The following CPXM2 variants were observed in gnomAD, a reference collection of about 807,000 sequenced individuals.
CPXM2 encodes inactive carboxypeptidase-like protein X2.
In CPXM2, 66 loss-of-function variants were observed where a neutral mutation model predicts 86.1. The observed-to-expected ratio is 0.77, with a 90% confidence interval of 0.63 to 0.94. The LOEUF is 0.94. Among genes scored for constraint, CPXM2 ranks in the 40% least tolerant of loss-of-function variants. The probability of loss-of-function intolerance (pLI) is 0.00; values close to 1 mark genes in which losing one functional copy is unlikely to be tolerated. For missense variants in CPXM2, 948 were observed against 1,026.3 expected (o/e 0.92, Z 1.04); for synonymous variants, 388 against 400.2 (o/e 0.97, Z 0.36).
At chr10:123,838,964 C>T (rs918278290) in intron 4 of CPXM2, among the ~76,000 whole-genome samples, 6 of 152,204 alleles carry the variant, frequency 3.9e-5, no homozygotes, top group Non-Finnish European at 8.8e-5. Context: ...AATCCTCAGA[C>T]TCATGCAAAG....
intron 4 of CPXM2, among the ~76,000 whole-genome samples, chr10:123,803,303 G>T (rs1374695251): frequency 6.6e-6 from 1 of 151,298 alleles, no homozygotes; most frequent in Non-Finnish European, 1.5e-5. Context: ...GTAGAGATGG[G>T]GTTTTGCCAT....
At chr10:123,820,183 T>A (rs138589324) in intron 4 of CPXM2, among the ~76,000 whole-genome samples, 1 of 152,188 alleles carries the variant, frequency 6.6e-6, no homozygotes, top group Non-Finnish European at 1.5e-5. Context: ...AATAAAGCCC[T>A]TTTTTTATAT....
chr10:123,896,549 T>C (rs1238763642), upstream of CPXM2, among the ~76,000 whole-genome samples: 1 of 152,248 alleles, frequency 6.6e-6, no homozygotes, highest in Admixed American at 6.5e-5. Flanking sequence ...CCCTGTACAT[T>C]TGGCATCTTT....
intron 2 of CPXM2, among the ~76,000 whole-genome samples, chr10:123,929,458 C>A (rs542993422): frequency 1.3e-5 from 2 of 152,324 alleles, no homozygotes; most frequent in African/African-American, 4.8e-5. Context: ...TGCAGAACAG[C>A]AACTGAATCT....
intron 7 of CPXM2, chr10:123,777,289 C>A (rs771514618): frequency 6.6e-5 from 10 of 152,268 alleles, no homozygotes; most frequent in Non-Finnish European, 1.5e-4. Context: ...GGGCCATCAG[C>A]CAGTACTTCC....
intron 2 of CPXM2, among the ~76,000 whole-genome samples, chr10:123,904,597 G>A (rs928630960): frequency 2.6e-5 from 4 of 152,272 alleles, no homozygotes; most frequent in South Asian, 2.1e-4. Context: ...AGCTATGACC[G>A]TGTCTAGCAC....
At chr10:123,836,892 G>T (rs1357919965) in intron 4 of CPXM2, among the ~76,000 whole-genome samples, 1 of 95,498 alleles carries the variant, frequency 1.0e-5, no homozygotes, top group South Asian at 3.5e-4. Flanking sequence ...TTCCCCCCAG[G>T]TGAGGTCTCA....
intron 2 of CPXM2, among the ~76,000 whole-genome samples, chr10:123,934,385 G>C (rs1291767580): frequency 6.6e-6 from 1 of 151,830 alleles, no homozygotes; most frequent in Non-Finnish European, 1.5e-5. Flanking sequence ...GGTATCCCTT[G>C]CCTTTCCTTG....
At chr10:123,917,893 G>T (rs1352568035) in intron 2 of CPXM2, among the ~76,000 whole-genome samples, 1 of 152,224 alleles carries the variant, frequency 6.6e-6, no homozygotes, top group African/African-American at 2.4e-5. Flanking sequence ...TGTCCTGGCT[G>T]CTGGGGATAC....
At chr10:123,748,486 C>T (rs554793365) in intron 13 of CPXM2, among the ~76,000 whole-genome samples, 22 of 152,224 alleles carry the variant, frequency 1.4e-4, no homozygotes, top group African/African-American at 4.1e-4. Context: ...CAAGACACCC[C>T]GTGCAATACA....
chr10:123,753,776 A>G (rs1158824342), intron 13 of CPXM2, among the ~76,000 whole-genome samples: 1 of 152,164 alleles, frequency 6.6e-6, no homozygotes, highest in East Asian at 1.9e-4. Context: ...TTGGAATAAG[A>G]TGTCAGCACT....
chr10:123,881,944 G>A (rs974903473), intron 1 of CPXM2, among the ~76,000 whole-genome samples: 10 of 152,230 alleles, frequency 6.6e-5, no homozygotes, highest in Admixed American at 4.6e-4. Context: ...TGAACCAGTC[G>A]GTGAGTGACA....
At chr10:123,842,511 TCTTCAAAAAGACTC>T in intron 3 of CPXM2, 23 bp from the exon 4 acceptor site, 1 of 1,610,996 alleles carries the variant, frequency 6.2e-7, no homozygotes, top group Non-Finnish European at 8.5e-7. Context: ...AAAGCGGTGT[TCTTCAAAAAGACTC>T]TTAATTGAAG....
chr10:123,856,590 GC>G (rs1848728987), intron 3 of CPXM2, among the ~76,000 whole-genome samples: 1 of 151,718 alleles, frequency 6.6e-6, no homozygotes, highest in South Asian at 2.1e-4. Context: ...GTTTGGTTTG[GC>G]TTTTTTTTGT....
Position 123,754,569 on chromosome 10 carries a change from T to A in CPXM2, c.2017+94A>T. On this transcript the variant is annotated intron_variant, in intron 13 of 13. Transcript: ENST00000241305. This position sits in a 1 kb window ranked among gnomAD's most constrained non-coding sequence, Gnocchi z 4.0. ...TGTAATTTGGCTCTGAGTAAGACATTTCTGGCAGTCATTTCATGATTGTAA... is the reference window on the plus strand; with the variant it reads ...TGTAATTTGGCTCTGAGTAAGACATATCTGGCAGTCATTTCATGATTGTAA... The A allele has an allele frequency of 1.3e-6, 1 of 740,930 alleles. No individual in the cohort carries two copies. Among genetic ancestry groups the A allele is most frequent in the Non-Finnish European group, 2.4e-6 (1 of 410,010 alleles). 45.9% of individuals were successfully genotyped at this position (740,930 alleles called of 1,614,324 possible).
rs115057051 is a variant in CPXM2, at chr10:123,793,058, G to A, written c.889+4918C>T. Among the ~76,000 whole-genome samples, 444 of 152,314 alleles carry A rather than the reference G, an allele frequency of 2.9e-3. 2 individuals are homozygous for A. Among genetic ancestry groups the A allele is most frequent in the African/African-American group, 0.01 (432 of 41,572 alleles). On this transcript the variant is annotated intron_variant, in intron 6 of 13. Transcript: ENST00000241305. ...GTTTTATGAAAGCATGACCACAGAAGTTGAAGGACTTAGTCACACCCCTAC... is the reference window on the plus strand; with the variant it reads ...GTTTTATGAAAGCATGACCACAGAAATTGAAGGACTTAGTCACACCCCTAC...
At chr10:123,929,594 G>A (rs1945649803) in intron 2 of CPXM2, among the ~76,000 whole-genome samples, 1 of 152,190 alleles carries the variant, frequency 6.6e-6, no homozygotes, top group Non-Finnish European at 1.5e-5. Context: ...GGATCCCAGT[G>A]TAGAGTGGGT....
At chr10:123,830,066 A>G (rs1387457274) in intron 4 of CPXM2, among the ~76,000 whole-genome samples, 1 of 152,190 alleles carries the variant, frequency 6.6e-6, no homozygotes, top group African/African-American at 2.4e-5. Context: ...AAGAAAATAT[A>G]AGGAAAATTA....
At chr10:123,806,613 G>A (rs207471534) in intron 4 of CPXM2, among the ~76,000 whole-genome samples, 2 of 152,150 alleles carry the variant, frequency 1.3e-5, no homozygotes, top group South Asian at 2.1e-4. Flanking sequence ...GATCCTACCC[G>A]AGACTAGGTA....
Sources: gnomAD v4.1 joint callset for allele counts (sites outside exome capture counted in the v4.1 genomes callset) on GRCh38, gnomAD v4.1.1 for gene constraint, Gnocchi (gnomAD v3.1) non-coding constraint, MANE v1.5 for transcripts, NCBI Gene and HGNC (gene_info 2026-07-23, HGNC 2026-07-21) for gene names.